The following IL5RA variants were observed in gnomAD, a reference collection of about 807,000 sequenced individuals.
IL5RA encodes the protein interleukin 5 receptor subunit alpha.
In IL5RA, 49 loss-of-function variants were observed where a neutral mutation model predicts 50.0. The ratio of observed to expected loss-of-function variants is 0.98; its 90% CI spans 0.78 to 1.24. The LOEUF is 1.24. IL5RA is among the 50% of genes most tolerant of loss of function. The pLI is 0.00. For missense variants in IL5RA, 600 were observed against 500.4 expected, an observed-to-expected ratio of 1.20 and a Z score of -1.90; for synonymous variants, 202 against 174.0, an observed-to-expected ratio of 1.16 and a Z score of -1.26.
At chr3:3,077,889 C>G (rs1331338404) in intron 9 of IL5RA, among the ~76,000 whole-genome samples, 1 of 152,206 alleles carries the variant, frequency 6.6e-6, no homozygotes, top group Non-Finnish European at 1.5e-5. Context: ...TGTCATCTCC[C>G]TGAATATGAG....
At chr3:3,089,779 C>T (rs371143974) in intron 9 of IL5RA, among the ~76,000 whole-genome samples, 18 of 152,078 alleles carry the variant, frequency 1.2e-4, no homozygotes, top group South Asian at 2.1e-4. Context: ...CGCACCACCA[C>T]GCCCAGCTAA....
chr3:3,082,901 T>G (rs547740871), intron 9 of IL5RA, among the ~76,000 whole-genome samples: 1 of 152,352 alleles, frequency 6.6e-6, no homozygotes, highest in South Asian at 2.1e-4. Context: ...GCTTACATAT[T>G]GATTTTGAAT....
rs1702211730 is a variant in IL5RA, at chr3:3,068,992, T to C, written c.*1233A>G. On this transcript the variant is annotated 3_prime_UTR_variant, in exon 12 of 12. Transcript: ENST00000446632. ...AAGAAAACAAACAAACCTGGAAATA[T>C]ATGGTAGTCAGTGTGTCCCCACCGA... 1 of 152,186 alleles carries C rather than the reference T, an allele frequency of 6.6e-6. No homozygotes were observed. Among genetic ancestry groups the C allele is most frequent in the Non-Finnish European group, 1.5e-5 (1 of 68,032 alleles). The allele number at this position is 152,186 out of a possible 1,614,324, so 9.4% of individuals were successfully genotyped here.
intron 9 of IL5RA, among the ~76,000 whole-genome samples, chr3:3,079,252 C>A (rs1180162006): frequency 6.6e-6 from 1 of 152,202 alleles, no homozygotes; most frequent in African/African-American, 2.4e-5. Flanking sequence ...AGGCCTGGAT[C>A]TTAAACTGTC....
intron 10 of IL5RA, 42 bp downstream of exon 10, chr3:3,076,489 C>T (rs1350836036): frequency 4.8e-6 from 6 of 1,248,006 alleles, no homozygotes; most frequent in Non-Finnish European, 7.1e-6. Flanking sequence ...AAATGCAGTA[C>T]TGAAACCCCA....
At chr3:3,105,079 G>C in intron 2 of IL5RA, 92 bp from the exon 3 acceptor site, 1 of 795,130 alleles carries the variant, frequency 1.3e-6, no homozygotes. Flanking sequence ...CAGTCGTTTG[G>C]CCATTTAACA....
intron 1 of IL5RA, among the ~76,000 whole-genome samples, chr3:3,109,221 A>G (rs548545058): frequency 1.3e-5 from 2 of 152,244 alleles, no homozygotes; most frequent in East Asian, 1.9e-4. Context: ...TAAATACATT[A>G]GTGAACACAA....
chr3:3,096,871 C>T (rs537795122), intron 7 of IL5RA, among the ~76,000 whole-genome samples: 2 of 152,284 alleles, frequency 1.3e-5, no homozygotes, highest in Admixed American at 1.3e-4. Context: ...AACCTTTATG[C>T]CAGGCACTGT....
At chr3:3,095,799 G>C (rs1434129526) in intron 7 of IL5RA, among the ~76,000 whole-genome samples, 1 of 151,998 alleles carries the variant, frequency 6.6e-6, no homozygotes, top group Admixed American at 6.6e-5. Flanking sequence ...TGACCACTGA[G>C]AGAACATTTC....
At chr3:3,076,743 G>C (rs1294915170) in intron 9 of IL5RA, 116 bp from the exon 10 acceptor site, 3 of 607,726 alleles carry the variant, frequency 4.9e-6, no homozygotes, top group Admixed American at 3.2e-5. Context: ...GCCGGTGCTG[G>C]GTGGTGTTGG....
intron 5 of IL5RA, among the ~76,000 whole-genome samples, chr3:3,100,527 T>C (rs561546680): frequency 4.6e-5 from 7 of 152,352 alleles, no homozygotes; most frequent in Admixed American, 1.3e-4. Flanking sequence ...CCAAGTACAC[T>C]TTAGAGATCC....
At chr3:3,077,105 T>C (rs888149878) in intron 9 of IL5RA, among the ~76,000 whole-genome samples, 2 of 151,848 alleles carry the variant, frequency 1.3e-5, no homozygotes, top group African/African-American at 2.4e-5. Context: ...TAGTGAACAA[T>C]AAAGGCATCA....
chr3:3,092,067 C>G lies in IL5RA; in HGVS notation c.994+157G>C. 7.1e-7 allele frequency: 1 copy of G among 1,407,724 alleles called. No individual in the cohort carries two copies. Among genetic ancestry groups the G allele is most frequent in the Non-Finnish European group, 9.2e-7 (1 of 1,085,600 alleles). 87.2% of individuals were successfully genotyped at this position (1,407,724 alleles called of 1,614,324 possible). On this transcript the variant is annotated intron_variant, in intron 9 of 11. Coordinates refer to ENST00000446632, the MANE Select transcript of IL5RA (RefSeq NM_175726.4). This position sits in a 1 kb window ranked among gnomAD's most constrained non-coding sequence, Gnocchi z 4.2. ...AAACTTCACTGGCTTCATGGCAAAT[C>G]TATTCCTGATTGAAAAGGCAGTAGA...
rs190046065 is a variant in IL5RA at position 3,086,153 on chromosome 3, C to G, written c.994+6071G>C. 3.3e-5 allele frequency among the ~76,000 whole-genome samples: 5 copies of G among 152,316 alleles called. No homozygotes were observed. In the East Asian group the frequency reaches 7.7e-4, roughly 24 times the overall value. On this transcript the variant is annotated intron_variant, in intron 9 of 11. Coordinates refer to ENST00000446632, the MANE Select transcript of IL5RA (RefSeq NM_175726.4). ...TCACAGAAGAAGCAGTTCTCAGAAC[C>G]ACTGATCCTGACCAAAGACACGGCC...
intron 9 of IL5RA, among the ~76,000 whole-genome samples, chr3:3,087,664 GT>G (rs1702926478): frequency 6.6e-6 from 1 of 151,886 alleles, no homozygotes; most frequent in South Asian, 2.1e-4. Context: ...CTATGAAAGG[GT>G]TGATATTTGA....
chr3:3,073,620 C>T, intron 11 of IL5RA: 4 of 300,108 alleles, frequency 1.3e-5, no homozygotes, highest in Non-Finnish European at 2.6e-5. Context: ...AATAATCATA[C>T]ACTGAAAAAT....
chr3:3,076,457 C>A, intron 10 of IL5RA, 74 bp downstream of exon 10: 1 of 931,292 alleles, frequency 1.1e-6, no homozygotes, highest in Non-Finnish European at 1.7e-6. Flanking sequence ...CTCTGCCTAC[C>A]GGATGCATGG....
intron 7 of IL5RA, among the ~76,000 whole-genome samples, chr3:3,097,294 G>C (rs1489890677): frequency 6.6e-6 from 1 of 152,224 alleles, no homozygotes; most frequent in Non-Finnish European, 1.5e-5. Flanking sequence ...TTCAGAGAGA[G>C]AGAGATGTTA....
intron 2 of IL5RA, among the ~76,000 whole-genome samples, chr3:3,106,578 C>T (rs185327487): frequency 7.9e-5 from 12 of 151,740 alleles, no homozygotes; most frequent in Admixed American, 3.9e-4. Context: ...GAAACGATGA[C>T]GATGACAACA....
Sources: allele counts gnomAD v4.1 joint callset (sites outside exome capture counted in the v4.1 genomes callset), GRCh38; gene constraint gnomAD v4.1.1; non-coding constraint Gnocchi (gnomAD v3.1); transcripts MANE v1.5; gene names NCBI Gene and HGNC (gene_info 2026-07-23, HGNC 2026-07-21).